SDK1: variants seen among roughly 807,000 people sequenced by gnomAD.
SDK1 encodes protein sidekick-1.
A neutral mutation model predicts 245.5 loss-of-function variants in SDK1; 157 were observed. The observed-to-expected ratio is 0.64, with a 90% CI of 0.56 to 0.73. SDK1 has a LOEUF of 0.73. Among genes scored for constraint, SDK1 ranks in the 30% least tolerant of loss-of-function variants. The probability of loss-of-function intolerance (pLI) is 0.00; values close to 1 mark genes in which losing one functional copy is unlikely to be tolerated. For missense variants in SDK1, 3,583 were observed against 3,002.3 expected, an observed-to-expected ratio of 1.19 and a Z score of -4.52; for synonymous variants, 1,647 against 1,278.5, an observed-to-expected ratio of 1.29 and a Z score of -6.15.
intron 19 of SDK1, among the ~76,000 whole-genome samples, chr7:4,063,260 T>C (rs992297583): frequency 2.0e-5 from 3 of 152,186 alleles, no homozygotes; most frequent in Non-Finnish European, 4.4e-5. Context: ...GGTTGCAGGA[T>C]ACAATAGCAA....
rs942499148 is a variant in SDK1, at chr7:4,268,256, G to A, written c.*2872G>A. On this transcript the variant is annotated 3_prime_UTR_variant, in exon 45 of 45. Transcript: ENST00000404826. ...GGTCACGGAGTGGCCAGGAGGCTCCGTCTGAGCCACAGGGATGGGTGTGCA... is the reference window on the plus strand; with the variant it reads ...GGTCACGGAGTGGCCAGGAGGCTCCATCTGAGCCACAGGGATGGGTGTGCA... The A allele has an allele frequency of 1.1e-5, 11 of 999,264 alleles. No individual in the cohort carries two copies. Among genetic ancestry groups the A allele is most frequent in the Middle Eastern group, 5.0e-4 (1 of 1,996 alleles). The allele number at this position is 999,264 out of a possible 1,614,324, so 61.9% of individuals were successfully genotyped here.
At chr7:3,410,408 A>G (rs1226279546) in intron 1 of SDK1, among the ~76,000 whole-genome samples, 1 of 152,062 alleles carries the variant, frequency 6.6e-6, no homozygotes, top group Non-Finnish European at 1.5e-5. Context: ...TGTATATGCA[A>G]ATATTCAAAA....
At chr7:4,174,851 T>G (rs952683162) in intron 33 of SDK1, among the ~76,000 whole-genome samples, 1 of 152,152 alleles carries the variant, frequency 6.6e-6, no homozygotes, top group African/African-American at 2.4e-5. Context: ...TCAAGACAGC[T>G]TCTAGAACCC....
At position 4,090,295 on chromosome 7, in the gene SDK1, C is replaced by T. The variant is rs568174826; in HGVS notation, c.3324+10711C>T. 2.6e-5 allele frequency among the ~76,000 whole-genome samples: 4 copies of T among 152,296 alleles called. 1 individual carries two copies. The East Asian group carries it at 7.7e-4, about 29-fold the overall frequency. Reference sequence around the variant, plus strand: ...CCAGTCTCATCCACCAGTTTGTCATCCATTAATATTTCTTGCTGGAATTAA... The same window carrying T: ...CCAGTCTCATCCACCAGTTTGTCATTCATTAATATTTCTTGCTGGAATTAA... On this transcript the variant is annotated intron_variant, in intron 22 of 44. Transcript: ENST00000404826.
At chr7:3,477,469 C>T (rs1337372315) in intron 1 of SDK1, among the ~76,000 whole-genome samples, 4 of 150,468 alleles carry the variant, frequency 2.7e-5, no homozygotes, top group South Asian at 2.1e-4. Context: ...TGGGATTACA[C>T]GTGTGAGCCA....
Position 3,462,413 on chromosome 7 carries a change from C to T in SDK1, c.299-156667C>T, listed in dbSNP as rs115944750. Among the ~76,000 whole-genome samples the T allele has an allele frequency of 1.3e-3, 191 of 152,294 alleles. 4 individuals are homozygous for T. Among genetic ancestry groups the T allele is most frequent in the African/African-American group, 4.5e-3 (185 of 41,568 alleles). On this transcript the variant is annotated intron_variant, in intron 1 of 44. Coordinates refer to ENST00000404826, the MANE Select transcript of SDK1 (RefSeq NM_152744.4). ...AATGTTAGCATTTCCCAAAGCTAGA[C>T]CTAGTTCTGTTCCATTCTCAACCTA...
chr7:3,641,529 C>CTTCAGCTT (rs1782647351), intron 3 of SDK1, among the ~76,000 whole-genome samples: 1 of 152,114 alleles, frequency 6.6e-6, no homozygotes, highest in Non-Finnish European at 1.5e-5. Context: ...AGGAAACAAG[C>CTTCAGCTT]TGAAGAGAGC....
intron 25 of SDK1, among the ~76,000 whole-genome samples, chr7:4,120,152 G>T (rs1277757855): frequency 6.7e-6 from 1 of 148,430 alleles, no homozygotes; most frequent in Non-Finnish European, 1.5e-5. Flanking sequence ...AGAACAGAAT[G>T]AGATCTACCA....
chr7:4,197,546 G>A (rs531306611), intron 35 of SDK1, among the ~76,000 whole-genome samples: 30 of 152,272 alleles, frequency 2.0e-4, no homozygotes, highest in African/African-American at 5.8e-4. Flanking sequence ...TGGATGCTTC[G>A]CGGTCAAGGC....
chr7:3,552,885 C>G (rs1265846107), intron 1 of SDK1, among the ~76,000 whole-genome samples: 1 of 152,182 alleles, frequency 6.6e-6, no homozygotes, highest in African/African-American at 2.4e-5. Flanking sequence ...CATAATTATG[C>G]TTTCCAGTTT....
intron 4 of SDK1, among the ~76,000 whole-genome samples, chr7:3,704,363 A>C (rs1349292061): frequency 7.0e-6 from 1 of 143,400 alleles, no homozygotes; most frequent in East Asian, 2.0e-4. Context: ...GCCAATATCG[A>C]TTTTTTTTTT....
At position 3,691,877 on chromosome 7, in the gene SDK1, G is replaced by T. The variant is rs73302222; in HGVS notation, c.713+49772G>T. ...AGGCAGGTAATGTGAGGCAATGGGG[G>T]TGTCTTTAAGAAGGTAATAGCTTAT... On this transcript the variant is annotated intron_variant, in intron 4 of 44. Coordinates refer to ENST00000404826, the MANE Select transcript of SDK1 (RefSeq NM_152744.4). 7.1e-3 allele frequency among the ~76,000 whole-genome samples: 1,082 copies of T among 152,224 alleles called. 12 individuals are homozygous for T. Among genetic ancestry groups the T allele is most frequent in the African/African-American group, 0.024 (1,011 of 41,534 alleles).
intron 14 of SDK1, among the ~76,000 whole-genome samples, chr7:3,998,016 G>A (rs1166263005): frequency 6.6e-6 from 1 of 152,218 alleles, no homozygotes; most frequent in East Asian, 1.9e-4. Flanking sequence ...CTGCAGCCGC[G>A]GGTTTTGGCA....
chr7:3,513,619 G>A (rs1030728145), intron 1 of SDK1, among the ~76,000 whole-genome samples: 6 of 152,052 alleles, frequency 3.9e-5, no homozygotes, highest in East Asian at 1.9e-4. Context: ...TATACAGTTC[G>A]TAATAGTTTT....
chr7:3,691,489 C>T (rs1382341266), intron 4 of SDK1, among the ~76,000 whole-genome samples: 32 of 152,128 alleles, frequency 2.1e-4, no homozygotes, highest in Admixed American at 2.1e-3. Flanking sequence ...TTATAAATGG[C>T]TCAAAAAGTA....
chr7:4,196,461 C>T (rs376863248), intron 35 of SDK1, among the ~76,000 whole-genome samples: 6 of 152,344 alleles, frequency 3.9e-5, no homozygotes, highest in South Asian at 2.1e-4. Flanking sequence ...GTCCCCTGGA[C>T]GTGCGGTGCC....
chr7:3,814,355 T>C (rs914631849), intron 4 of SDK1, among the ~76,000 whole-genome samples: 7 of 148,722 alleles, frequency 4.7e-5, no homozygotes, highest in Admixed American at 6.7e-5. Context: ...CCCAGCACCA[T>C]TTATTAAATA....
chr7:3,458,373 T>A (rs186644347), intron 1 of SDK1, among the ~76,000 whole-genome samples: 1 of 152,180 alleles, frequency 6.6e-6, no homozygotes, highest in African/African-American at 2.4e-5. Context: ...GAGCACTGTT[T>A]CCATAGAGTA....
chr7:3,940,377 C>T (rs1780313095), intron 5 of SDK1, among the ~76,000 whole-genome samples: 1 of 152,226 alleles, frequency 6.6e-6, no homozygotes, highest in Admixed American at 6.5e-5. Flanking sequence ...GCAAGGCAAA[C>T]GCGAAAACGC....
Sources: allele counts gnomAD v4.1 joint callset (sites outside exome capture counted in the v4.1 genomes callset), GRCh38; gene constraint gnomAD v4.1.1; transcripts MANE v1.5; gene names NCBI Gene and HGNC (gene_info 2026-07-23, HGNC 2026-07-21).